The following CENPN variants were observed in gnomAD, a reference collection of about 807,000 sequenced individuals.
The protein encoded by CENPN is interphase centromere complex protein 32.
Under a neutral mutation model 48.6 loss-of-function variants are expected in CENPN, and 36 were observed. That is an observed-to-expected ratio of 0.74 (90% CI 0.57 to 0.98). CENPN has a LOEUF of 0.98. CENPN is among the 50% of genes least tolerant of loss of function. The pLI, the probability that CENPN is intolerant of heterozygous loss-of-function variation, is 0.00. For synonymous variants in CENPN, 166 were observed against 135.2 expected, an observed-to-expected ratio of 1.23 and a Z score of -1.58; for missense variants, 439 against 399.2, an observed-to-expected ratio of 1.10 and a Z score of -0.85.
At position 81,017,309 on chromosome 16, in the gene CENPN, T is replaced by A. The variant is rs1013437864; in HGVS notation, c.218-17T>A. 1 of 1,566,586 alleles carries A rather than the reference T, an allele frequency of 6.4e-7. No homozygotes were observed. The highest frequency in any genetic ancestry group is 8.8e-7 in the Non-Finnish European group (1 of 1,137,902). On this transcript the variant is annotated splice_polypyrimidine_tract_variant and intron_variant, in intron 3 of 10. Transcript: ENST00000305850. ...TTCTATGATATGCTAGTAATAAAGC[T>A]TTCTTCCCTCTCTCAGATATGCAAT...
chr16:81,023,716 C>T (rs995416117), intron 7 of CENPN: 2 of 151,744 alleles, frequency 1.3e-5, no homozygotes, highest in African/African-American at 4.9e-5. Flanking sequence ...AAGGGCAAAT[C>T]CCTTGAGCCC....
At position 81,029,704 on chromosome 16, in the gene CENPN, A is replaced by C. The variant is rs1204433465; in HGVS notation, c.*1053A>C. On this transcript the variant is annotated 3_prime_UTR_variant, in exon 11 of 11. Transcript: ENST00000305850. The stretch of plus-strand genomic sequence containing the variant: ...GATTCTCCTGCCTCAGCCTCTGAGT[A>C]GCTGGGACTACAGGCCTGCACCACC... Among the ~76,000 whole-genome samples, 2 of 152,112 alleles carry C rather than the reference A, an allele frequency of 1.3e-5. No individual in the cohort carries two copies. The highest frequency in any genetic ancestry group is 2.9e-5 in the Non-Finnish European group (2 of 68,020).
At position 81,014,143 on chromosome 16, in the gene CENPN, G is replaced by A. The variant is rs147389889; in HGVS notation, c.179G>A (p.Arg60His). 1,246 of 1,613,182 alleles carry A rather than the reference G, an allele frequency of 7.7e-4. 10 individuals are homozygous for A. The African/African-American group carries it at 0.014, about 18-fold the overall frequency. The change falls in exon 3 of 11, where the codon CGT (arginine) becomes CAT (histidine). Residue 60 changes from arginine (R) to histidine (H), a missense_variant. Arg to His is a conservative substitution (Grantham distance 29). Transcript: ENST00000305850. ...QHLIHLCEEK[R>H]ASISDAALLD... ...ATTTGTTTTCTCTTTTAGGAAAAGC[G>A]TGCAAGTATCAGTGATGCTGCCCTG...
downstream of CENPN, chr16:81,032,431 G>A (rs898907689): frequency 3.9e-5 from 30 of 775,802 alleles, no homozygotes; most frequent in Non-Finnish European, 5.4e-5. Context: ...GTATATAAGC[G>A]TCCACACCCC....
chr16:81,028,911 C>G lies in CENPN; in HGVS notation c.*260C>G, dbSNP rs1970640830. On this transcript the variant is annotated 3_prime_UTR_variant, in exon 11 of 11. Coordinates refer to ENST00000305850, the MANE Select transcript of CENPN (RefSeq NM_001100624.3). ...ATATATATATGGCCCCACACTTGAC[C>G]TTGAGTGCCTGAATGCTCTGAAATC... is the stretch of plus-strand genomic sequence containing the variant. The G allele has an allele frequency of 1.8e-6, 2 of 1,133,190 alleles. No homozygotes were observed. Among genetic ancestry groups the G allele is most frequent in the African/African-American group, 3.3e-5 (2 of 61,338 alleles). The allele number at this position is 1,133,190 out of a possible 1,614,324, so 70.2% of individuals were successfully genotyped here.
At chr16:81,032,712 A>T, downstream of CENPN, 8 of 1,594,720 alleles carry the variant, frequency 5.0e-6, no homozygotes, top group Non-Finnish European at 6.8e-6. Flanking sequence ...ATGTCACAAC[A>T]TTTAGACATT....
chr16:81,018,486 C>A (rs1042378042), intron 5 of CENPN, among the ~76,000 whole-genome samples: 3 of 151,988 alleles, frequency 2.0e-5, no homozygotes, highest in African/African-American at 7.2e-5. Context: ...AATTTTTAAT[C>A]TTTTTAAACT....
At position 81,030,223 on chromosome 16, in the gene CENPN, C is replaced by T; in HGVS notation, c.*1572C>T. The T allele has an allele frequency of 1.0e-6, 1 of 985,428 alleles. No homozygotes were observed. The allele number at this position is 985,428 out of a possible 1,614,324, so 61.0% of individuals were successfully genotyped here. ...CAAACCATATCACAGGCATGAGCTACCACGCCCGCCAGCATGTCTTTTTTA... is the reference window on the plus strand; with the variant it reads ...CAAACCATATCACAGGCATGAGCTATCACGCCCGCCAGCATGTCTTTTTTA... On this transcript the variant is annotated 3_prime_UTR_variant, in exon 11 of 11. Coordinates refer to ENST00000305850, the MANE Select transcript of CENPN (RefSeq NM_001100624.3).
At position 81,028,464 on chromosome 16, in the gene CENPN, C is replaced by T; in HGVS notation, c.938-105C>T. Reference sequence around the variant, plus strand: ...TGTACTTAATAGGGAGGAGGGGCATCTATGATCCACCCTCTAATCTCAGCC... The same window carrying T: ...TGTACTTAATAGGGAGGAGGGGCATTTATGATCCACCCTCTAATCTCAGCC... On this transcript the variant is annotated intron_variant, in intron 10 of 10. Coordinates refer to ENST00000305850, the MANE Select transcript of CENPN (RefSeq NM_001100624.3). 1.6e-5 allele frequency: 25 copies of T among 1,526,312 alleles called. 1 individual carries two copies. Among genetic ancestry groups the T allele is most frequent in the Non-Finnish European group, 2.2e-5 (25 of 1,132,020 alleles). The allele number at this position is 1,526,312 out of a possible 1,614,324, so 94.5% of individuals were successfully genotyped here.
At chr16:81,014,066 A>C in intron 2 of CENPN, 70 bp from the exon 3 acceptor site, 1 of 1,298,292 alleles carries the variant, frequency 7.7e-7, no homozygotes, top group East Asian at 2.3e-5. Context: ...ACCAATCCTA[A>C]AATGTGTTTT....
At chr16:81,025,642 G>T (rs1229780976) in intron 8 of CENPN, among the ~76,000 whole-genome samples, 1 of 150,902 alleles carries the variant, frequency 6.6e-6, no homozygotes, top group South Asian at 2.1e-4. Flanking sequence ...AAGATCACGA[G>T]CCCAAGAGAT....
Position 81,030,442 on chromosome 16 carries a change from G to T in CENPN, c.*1791G>T. 1.0e-6 allele frequency: 1 copy of T among 979,582 alleles called. No homozygotes were observed. The highest frequency in any genetic ancestry group is 4.7e-5 in the South Asian group (1 of 21,164). 60.7% of individuals were successfully genotyped at this position (979,582 alleles called of 1,614,324 possible). On this transcript the variant is annotated 3_prime_UTR_variant, in exon 11 of 11. Transcript: ENST00000305850. Reference sequence around the variant, plus strand: ...CACACATTAAGCAAGTGTGAAACATGATATAGAAAAATGACTTCACTCTGG... The same window carrying T: ...CACACATTAAGCAAGTGTGAAACATTATATAGAAAAATGACTTCACTCTGG...
intron 8 of CENPN, among the ~76,000 whole-genome samples, chr16:81,026,141 A>ATG (rs1366054698): frequency 6.9e-6 from 1 of 144,522 alleles, no homozygotes; most frequent in African/African-American, 2.6e-5. Flanking sequence ...GTATATATAT[A>ATG]TGTATATATA....
rs1970704681 is a variant in CENPN, at chr16:81,030,113, C to G, written c.*1462C>G. The stretch of plus-strand genomic sequence containing the variant: ...AGAATAGTATGGGGGAAATCGTTCC[C>G]ATGACTCAAGTATCTCCACCTGGCC... On this transcript the variant is annotated 3_prime_UTR_variant, in exon 11 of 11. Transcript: ENST00000305850. The G allele has an allele frequency of 1.3e-6, 1 of 741,460 alleles. No homozygotes were observed. 45.9% of individuals were successfully genotyped at this position (741,460 alleles called of 1,614,324 possible).
rs1378740251 is a variant in CENPN at position 81,028,994 on chromosome 16, C to G, written c.*343C>G. On this transcript the variant is annotated 3_prime_UTR_variant, in exon 11 of 11. Transcript: ENST00000305850. ...TTTGTGTCCTTTTTTCTATGGCTGT[C>G]TCTTCTCAATTCTGGAGAGGTCTGG... The G allele has an allele frequency of 4.2e-5, 42 of 1,002,604 alleles. No homozygotes were observed. The highest frequency in any genetic ancestry group is 5.0e-5 in the Non-Finnish European group (42 of 841,860). 62.1% of individuals were successfully genotyped at this position (1,002,604 alleles called of 1,614,324 possible).
intron 8 of CENPN, 45 bp from the exon 9 acceptor site, chr16:81,026,481 A>G (rs761770171): frequency 6.5e-6 from 6 of 920,578 alleles, no homozygotes; most frequent in Admixed American, 4.2e-5. Flanking sequence ...TTAAGGATGA[A>G]ATATATTCCT....
At chr16:81,019,290 C>A (rs773938097) in intron 5 of CENPN, among the ~76,000 whole-genome samples, 1 of 151,780 alleles carries the variant, frequency 6.6e-6, no homozygotes, top group Admixed American at 6.6e-5. Flanking sequence ...GATCTCGGCT[C>A]ACTATAGTCT....
At chr16:81,007,692 C>A (rs1224522941) in intron 1 of CENPN, among the ~76,000 whole-genome samples, 1 of 152,144 alleles carries the variant, frequency 6.6e-6, no homozygotes, top group Non-Finnish European at 1.5e-5. Context: ...CCTGTTGGAG[C>A]GCAGCAGAGG....
In CENPN at chr16:81,024,938, C is replaced by T. The variant is rs544806889; in HGVS notation, c.697+160C>T. On this transcript the variant is annotated intron_variant, in intron 8 of 10. Transcript: ENST00000305850. ...TATCTGTTGAAGGAGGAAAGCTAAT[C>T]TACCATAGTTCTCCTTTAGAATTTA... Among the ~76,000 whole-genome samples, 37 of 152,316 alleles carry T rather than the reference C, an allele frequency of 2.4e-4. No individual in the cohort carries two copies. In the South Asian group the frequency reaches 3.3e-3, roughly 14 times the overall value.
Sources: allele counts gnomAD v4.1 joint callset (sites outside exome capture counted in the v4.1 genomes callset), GRCh38; gene constraint gnomAD v4.1.1; transcripts MANE v1.5; gene names NCBI Gene and HGNC (gene_info 2026-07-23, HGNC 2026-07-21).